Variants in UNC93A observed in about 807,000 individuals in gnomAD.
UNC93A encodes N-acetylglucosamine transporter UNC93A.
A neutral mutation model predicts 47.5 loss-of-function variants in UNC93A; 43 were observed. The ratio of observed to expected loss-of-function variants is 0.91; its 90% CI spans 0.71 to 1.17. The LOEUF (loss-of-function observed/expected upper bound fraction) is 1.17. UNC93A is among the 50% of genes most tolerant of loss of function. UNC93A has a pLI of 0.00. For synonymous variants in UNC93A, 280 were observed against 258.0 expected, an observed-to-expected ratio of 1.09 and a Z score of -0.82; for missense variants, 605 against 577.6, an observed-to-expected ratio of 1.05 and a Z score of -0.49.
intron 5 of UNC93A, among the ~76,000 whole-genome samples, 185 bp downstream of exon 5, chr6:167,304,318 A>G (rs1326044969): frequency 6.6e-6 from 1 of 152,194 alleles, no homozygotes; most frequent in Non-Finnish European, 1.5e-5. Context: ...TCAACCTCCA[A>G]GTAACTTCCA....
chr6:167,284,390 A>C (rs1375245047), intron 1 of UNC93A, among the ~76,000 whole-genome samples: 1 of 152,202 alleles, frequency 6.6e-6, no homozygotes, highest in Non-Finnish European at 1.5e-5. Flanking sequence ...CAAGACACTC[A>C]GTTCCTACAA....
intron 4 of UNC93A, among the ~76,000 whole-genome samples, chr6:167,302,802 G>A (rs1210153429): frequency 6.6e-6 from 1 of 152,126 alleles, no homozygotes; most frequent in African/African-American, 2.4e-5. Flanking sequence ...ATTTCATTTT[G>A]TGTGGCTTCA....
chr6:167,279,644 T>C (rs1783599532), intron 1 of UNC93A, among the ~76,000 whole-genome samples: 1 of 152,228 alleles, frequency 6.6e-6, no homozygotes, highest in Non-Finnish European at 1.5e-5. Flanking sequence ...AGAAAACATA[T>C]TCTTTCCTTG....
rs188066341 is a variant in UNC93A at position 167,298,344 on chromosome 6, C to T, written c.625+274C>T. 450 of 276,018 alleles carry T rather than the reference C, an allele frequency of 1.6e-3. 3 individuals carry two copies. The highest frequency in any genetic ancestry group is 7.0e-3 in the Middle Eastern group (6 of 852). The allele number at this position is 276,018 out of a possible 1,614,324, so 17.1% of individuals were successfully genotyped here. A position where few individuals can be genotyped will look rare whatever the true frequency, so the allele number is the denominator to read the frequency against. On this transcript the variant is annotated intron_variant, in intron 4 of 7. Coordinates refer to ENST00000230256, the MANE Select transcript of UNC93A (RefSeq NM_018974.4). The stretch of plus-strand genomic sequence containing the variant: ...AGCCATTAAGCACTGTGGTTGTTTA[C>T]ATCTTAACTGATTAAAGTTTCAGTT...
intron 4 of UNC93A, 87 bp downstream of exon 4, chr6:167,298,157 T>A: frequency 6.6e-7 from 1 of 1,519,454 alleles, no homozygotes; most frequent in African/African-American, 1.4e-5. Context: ...TCTCTCCCAA[T>A]GTAAAAGTAA....
intron 1 of UNC93A, among the ~76,000 whole-genome samples, chr6:167,280,578 T>C (rs1288590732): frequency 1.3e-5 from 2 of 152,062 alleles, no homozygotes; most frequent in Non-Finnish European, 2.9e-5. Flanking sequence ...TCTCAGTCCT[T>C]AGAGAGTCAG....
intron 5 of UNC93A, 134 bp downstream of exon 5, chr6:167,304,267 T>G: frequency 1.2e-6 from 1 of 862,538 alleles, no homozygotes; most frequent in Non-Finnish European, 1.8e-6. Context: ...CGGGGTCCTA[T>G]GCTCCCAGTG....
chr6:167,315,404 A>G lies in UNC93A; in HGVS notation c.1326A>G (p.Pro442=). ...ESKNPIRPHA[P]GQVNQAEDEE... is the part of the protein sequence containing the mutation. ...AGAACCCGATCAGACCCCACGCTCCAGGACAGGTCAACCAGGCAGAGGATG... is the reference window on the plus strand; with the variant it reads ...AGAACCCGATCAGACCCCACGCTCCGGGACAGGTCAACCAGGCAGAGGATG... Residue 442 remains proline, a synonymous_variant, in exon 8 of 8, where the codon CCA becomes CCG. Transcript: ENST00000230256. 1 of 1,613,986 alleles carries G rather than the reference A, an allele frequency of 6.2e-7. No individual in the cohort carries two copies. Among genetic ancestry groups the G allele is most frequent in the South Asian group, 1.1e-5 (1 of 91,080 alleles).
chr6:167,295,745 C>CCCTCGTGCTCCTCGCCTG (rs1562350692), intron 2 of UNC93A, among the ~76,000 whole-genome samples: 1 of 122,404 alleles, frequency 8.2e-6, no homozygotes, highest in African/African-American at 3.5e-5. Flanking sequence ...CTCCTCGCCT[C>CCCTCGTGCTCCTCGCCTG]CCTCGTGCTC....
At chr6:167,278,388 C>T (rs1783577987) in intron 1 of UNC93A, among the ~76,000 whole-genome samples, 1 of 152,188 alleles carries the variant, frequency 6.6e-6, no homozygotes, top group Non-Finnish European at 1.5e-5. Context: ...ACTGGTTCAT[C>T]AGTTACCATC....
chr6:167,315,064 GA>G (rs555143419), intron 7 of UNC93A, 122 bp from the exon 8 acceptor site: 2 of 1,421,040 alleles, frequency 1.4e-6, no homozygotes, highest in Non-Finnish European at 1.9e-6. Context: ...ATTCTGTTGT[GA>G]AAAAAGAAAA....
At chr6:167,305,025 G>A (rs1778342586) in intron 5 of UNC93A, among the ~76,000 whole-genome samples, 1 of 152,224 alleles carries the variant, frequency 6.6e-6, no homozygotes, top group Non-Finnish European at 1.5e-5. Flanking sequence ...GGAGGCTGTT[G>A]AGAGCTGGGG....
upstream of UNC93A, among the ~76,000 whole-genome samples, chr6:167,269,600 A>C (rs1025995728): frequency 1.3e-5 from 2 of 152,130 alleles, no homozygotes; most frequent in Middle Eastern, 3.4e-3. Context: ...CTTTTTAAAA[A>C]ATTTTTATTT....
rs2076009 is a variant in UNC93A at position 167,296,013 on chromosome 6, G to A, written c.270-19G>A. On this transcript the variant is annotated intron_variant, in intron 2 of 7. Coordinates refer to ENST00000230256, the MANE Select transcript of UNC93A (RefSeq NM_018974.4). The stretch of plus-strand genomic sequence containing the variant: ...TTGCGTCTCCTGTTACAGGCTATGG[G>A]TCTGCATTTTACCCACAGGTACACT... 175,188 of 1,611,148 alleles carry A rather than the reference G, an allele frequency of 0.11. 11,268 individuals are homozygous for A. Among genetic ancestry groups the A allele is most frequent in the East Asian group, 0.29 (13,215 of 44,816 alleles).
chr6:167,312,619 C>A (rs1349652482), intron 7 of UNC93A, among the ~76,000 whole-genome samples: 1 of 152,236 alleles, frequency 6.6e-6, no homozygotes, highest in Non-Finnish European at 1.5e-5. Context: ...GTAGCTGTCG[C>A]TCCATTCTCC....
Position 167,298,011 on chromosome 6 carries a change from C to A in UNC93A, c.566C>A (p.Thr189Asn). 6.2e-7 allele frequency: 1 copy of A among 1,614,138 alleles called. No homozygotes were observed. The highest frequency in any genetic ancestry group is 8.5e-7 in the Non-Finnish European group (1 of 1,180,038). The change falls in exon 4 of 8, where the codon ACC becomes AAC. Residue 189 changes from threonine to asparagine, a missense_variant. Physicochemically the swap from Thr to Asn is moderately conservative, Grantham distance 65 (BLOSUM62 0). Coordinates refer to ENST00000230256, the MANE Select transcript of UNC93A (RefSeq NM_018974.4). ...ASDCLMATTT[T>N]NSTQRPSQQL... ...GACTGCCTGATGGCCACCACAACCA[C>A]CAACAGCACCCAGAGGCCCTCCCAG...
At chr6:167,287,065 G>A (rs1184827530), upstream of UNC93A, among the ~76,000 whole-genome samples, 1 of 151,750 alleles carries the variant, frequency 6.6e-6, no homozygotes, top group Non-Finnish European at 1.5e-5. Flanking sequence ...TAAGTGGTTG[G>A]CTCTCGGCTG....
At position 167,293,492 on chromosome 6, in the gene UNC93A, C is replaced by A. The variant is rs78969709; in HGVS notation, c.88-1025C>A. ...AGCTGTCTCTGCTACTCAGGACTGG[C>A]ATGGGCAACACAGAGTGTTCAGATA... On this transcript the variant is annotated intron_variant, in intron 1 of 7. Coordinates refer to ENST00000230256, the MANE Select transcript of UNC93A (RefSeq NM_018974.4). 4.5e-3 allele frequency among the ~76,000 whole-genome samples: 690 copies of A among 152,230 alleles called. 4 individuals carry two copies. The highest frequency in any genetic ancestry group is 0.043 in the East Asian group (223 of 5,170).
rs148222009 is a variant in UNC93A, at chr6:167,296,854, A to G, written c.499+593A>G. Among the ~76,000 whole-genome samples, 3 of 152,344 alleles carry G rather than the reference A, an allele frequency of 2.0e-5. No individual in the cohort carries two copies. The East Asian group carries it at 5.8e-4, about 29-fold the overall frequency. On this transcript the variant is annotated intron_variant, in intron 3 of 7. Transcript: ENST00000230256. ...GAGGACATACATCTCTTTCATGCTTACAGGAAAACTTTCCCAACGGGGTAA... is the reference window on the plus strand; with the variant it reads ...GAGGACATACATCTCTTTCATGCTTGCAGGAAAACTTTCCCAACGGGGTAA...
Sources: allele counts gnomAD v4.1 joint callset (sites outside exome capture counted in the v4.1 genomes callset), GRCh38; gene constraint gnomAD v4.1.1; transcripts MANE v1.5; gene names NCBI Gene and HGNC (gene_info 2026-07-23, HGNC 2026-07-21).